PACSIN2: variants seen among roughly 807,000 people sequenced by gnomAD.
The protein encoded by PACSIN2 is protein kinase C and casein kinase substrate in neurons 2, also known as protein kinase C and casein kinase substrate in neurons protein 2.
A neutral mutation model predicts 63.8 loss-of-function variants in PACSIN2; 25 were observed. The ratio of observed to expected loss-of-function variants is 0.39; its 90% CI spans 0.29 to 0.55. The LOEUF is 0.55. Ranked by LOEUF, PACSIN2 falls within the 20% of genes least tolerant of loss-of-function variation. PACSIN2 has a pLI of 0.62. For synonymous variants in PACSIN2, 255 were observed against 256.2 expected (o/e 1.00, Z 0.05); for missense variants, 518 against 646.9 (o/e 0.80, Z 2.16).
At chr22:42,984,623 C>T (rs1732653106) in intron 1 of PACSIN2, among the ~76,000 whole-genome samples, 1 of 152,156 alleles carries the variant, frequency 6.6e-6, no homozygotes, top group African/African-American at 2.4e-5. Context: ...AAAACTACTC[C>T]CTTTAATCGG....
At chr22:42,920,793 CTTTTTTTTT>C (rs745822264) in intron 1 of PACSIN2, among the ~76,000 whole-genome samples, 5 of 77,670 alleles carry the variant, frequency 6.4e-5, no homozygotes, top group East Asian at 5.5e-4. Context: ...AATTATCACA[CTTTTTTTTT>C]TTTTTTTTTT....
At chr22:42,970,820 G>A (rs941836367) in intron 1 of PACSIN2, among the ~76,000 whole-genome samples, 4 of 152,182 alleles carry the variant, frequency 2.6e-5, no homozygotes, top group African/African-American at 9.7e-5. Flanking sequence ...TGCACCACCA[G>A]ATATGGAGTG....
intron 7 of PACSIN2, 70 bp from the exon 8 acceptor site, chr22:42,879,239 T>C: frequency 1.3e-6 from 2 of 1,551,310 alleles, no homozygotes; most frequent in Non-Finnish European, 1.8e-6. Context: ...CTGTCCTCAG[T>C]TCCTGCCCAG....
In PACSIN2 at chr22:42,948,860, T is replaced by C. The variant is rs924583781; in HGVS notation, c.-77-36703A>G. Among the ~76,000 whole-genome samples the C allele has an allele frequency of 3.3e-5, 5 of 152,206 alleles. No homozygotes were observed. The East Asian group carries it at 9.6e-4, about 29-fold the overall frequency. On this transcript the variant is annotated intron_variant, in intron 1 of 10. Transcript: ENST00000263246. ...AAATGAATTCTAACTTGACAGTGCT[T>C]TTATTTCTAAAAAAAGTTCACATAA...
At chr22:42,916,450 C>T (rs535060073) in intron 1 of PACSIN2, among the ~76,000 whole-genome samples, 11 of 152,140 alleles carry the variant, frequency 7.2e-5, no homozygotes, top group African/African-American at 2.4e-4. Flanking sequence ...GGGCAGGCAC[C>T]GAGCTGAGTT....
intron 1 of PACSIN2, among the ~76,000 whole-genome samples, chr22:42,936,170 T>C (rs1409701572): frequency 1.3e-5 from 2 of 148,922 alleles, no homozygotes; most frequent in Non-Finnish European, 3.0e-5. Flanking sequence ...GAGCCAAGAT[T>C]GCGCCACTGC....
chr22:42,926,797 A>G (rs1601531543), intron 1 of PACSIN2, among the ~76,000 whole-genome samples: 1 of 151,976 alleles, frequency 6.6e-6, no homozygotes, highest in African/African-American at 2.4e-5. Flanking sequence ...ACGCCTGTGA[A>G]TAGCCACTGC....
At chr22:42,904,115 A>G (rs1441838950) in intron 2 of PACSIN2, among the ~76,000 whole-genome samples, 3 of 152,250 alleles carry the variant, frequency 2.0e-5, no homozygotes, top group Admixed American at 6.5e-5. Flanking sequence ...GGCAGAACAC[A>G]TAAGATAGAC....
intron 1 of PACSIN2, among the ~76,000 whole-genome samples, chr22:42,976,458 T>C (rs1921711984): frequency 8.6e-6 from 1 of 115,958 alleles, no homozygotes; most frequent in Non-Finnish European, 1.8e-5. Context: ...GTCCACAGGA[T>C]CATCGATTTG....
At chr22:42,973,567 T>C (rs760582475) in intron 1 of PACSIN2, among the ~76,000 whole-genome samples, 8 of 152,272 alleles carry the variant, frequency 5.3e-5, no homozygotes, top group Admixed American at 2.0e-4. Context: ...ATTTACACAT[T>C]TGATAGCTGC....
intron 1 of PACSIN2, among the ~76,000 whole-genome samples, chr22:42,983,316 C>CAAAAAA (rs1180708676): frequency 3.8e-4 from 24 of 63,638 alleles, no homozygotes; most frequent in African/African-American, 1.1e-3. Flanking sequence ...GACTCCATCT[C>CAAAAAA]AAAAAAAAAA....
chr22:42,892,435 C>A (rs1268070148), intron 3 of PACSIN2, among the ~76,000 whole-genome samples: 1 of 152,198 alleles, frequency 6.6e-6, no homozygotes, highest in Non-Finnish European at 1.5e-5. Flanking sequence ...ACAAAATGAG[C>A]ACATTCCTGT....
intron 2 of PACSIN2, among the ~76,000 whole-genome samples, chr22:42,909,132 C>G (rs1402473698): frequency 6.6e-6 from 1 of 152,090 alleles, no homozygotes; most frequent in African/African-American, 2.4e-5. Flanking sequence ...CCAAGTGCAG[C>G]AACGTCCACT....
At position 43,003,901 on chromosome 22, in the gene PACSIN2, G is replaced by A. The variant is rs148298685; in HGVS notation, c.-78+11120C>T. 4.6e-3 allele frequency among the ~76,000 whole-genome samples: 707 copies of A among 152,242 alleles called. 6 individuals are homozygous for A. The highest frequency in any genetic ancestry group is 0.016 in the African/African-American group (674 of 41,524). The stretch of plus-strand genomic sequence containing the variant: ...CAGCGAGTCACCCACGGCCTTGACC[G>A]CACCCCAGCAGCTCTCCCTTTTGTG... On this transcript the variant is annotated intron_variant, in intron 1 of 10. Transcript: ENST00000263246.
intron 1 of PACSIN2, among the ~76,000 whole-genome samples, chr22:42,997,514 C>A (rs551233526): frequency 5.5e-4 from 83 of 150,894 alleles, no homozygotes; most frequent in Admixed American, 9.9e-4. Flanking sequence ...GCTGAGATGG[C>A]GCCACTGCAC....
intron 1 of PACSIN2, among the ~76,000 whole-genome samples, chr22:42,969,823 T>C (rs1921109769): frequency 1.3e-5 from 2 of 151,008 alleles, no homozygotes; most frequent in Admixed American, 1.3e-4. Context: ...TGGTCCCAGC[T>C]ACTCAGGAGG....
intron 1 of PACSIN2, among the ~76,000 whole-genome samples, chr22:42,992,524 G>A: frequency 6.6e-6 from 1 of 152,142 alleles, no homozygotes. Flanking sequence ...GAGGCAGGAG[G>A]ATCATTTGAG....
chr22:42,913,480 CAAAAAAAAAA>C (rs138842796), intron 1 of PACSIN2, among the ~76,000 whole-genome samples: 1 of 93,152 alleles, frequency 1.1e-5, no homozygotes, highest in African/African-American at 4.0e-5. Flanking sequence ...ACTCCGTCTC[CAAAAAAAAAA>C]AAAAAAAAAA....
At chr22:42,893,409 G>A (rs1397005869) in intron 3 of PACSIN2, 48 bp downstream of exon 3, 2 of 1,588,180 alleles carry the variant, frequency 1.3e-6, no homozygotes. Context: ...GCCCCCGGCT[G>A]GGGTGTAGCT....
Sources: allele counts gnomAD v4.1 joint callset (sites outside exome capture counted in the v4.1 genomes callset), GRCh38; gene constraint gnomAD v4.1.1; transcripts MANE v1.5; gene names NCBI Gene and HGNC (gene_info 2026-07-23, HGNC 2026-07-21).